Variants in XIRP2 observed in about 807,000 individuals in gnomAD.
XIRP2 encodes xin actin binding repeat containing 2.
XIRP2 carries 236 observed loss-of-function variants against 277.0 expected under a neutral mutation model. The observed-to-expected ratio is 0.85, with a 90% CI of 0.77 to 0.95. The LOEUF is 0.95. Ranked by LOEUF, XIRP2 falls within the 40% of genes least tolerant of loss-of-function variation. The pLI is 0.00. For missense variants in XIRP2, 4,640 were observed against 4,157.5 expected (o/e 1.12, Z -3.19); for synonymous variants, 1,490 against 1,416.5 (o/e 1.05, Z -1.17).
Position 167,258,722 on chromosome 2 carries a change from T to C in XIRP2, c.*905T>C. 2 of 1,613,336 alleles carry C rather than the reference T, an allele frequency of 1.2e-6. No homozygotes were observed. The highest frequency in any genetic ancestry group is 1.7e-6 in the Non-Finnish European group (2 of 1,179,634). On this transcript the variant is annotated 3_prime_UTR_variant, in exon 11 of 11. Transcript: ENST00000409195. ...TCTGAATAATTGCAGGCAGAAGACA[T>C]CTATTTTAGAATTTCTTGATCTATT...
At chr2:167,256,975 A>G (rs1695673894) in intron 10 of XIRP2, among the ~76,000 whole-genome samples, 1 of 151,906 alleles carries the variant, frequency 6.6e-6, no homozygotes, top group South Asian at 2.1e-4. Flanking sequence ...GTTCAACCTC[A>G]CTAGCCTCTT....
intron 3 of XIRP2, chr2:167,187,484 TATATG>T: frequency 1.0e-6 from 1 of 985,308 alleles, no homozygotes; most frequent in Non-Finnish European, 1.2e-6. Context: ...ACTATAAAGA[TATATG>T]ATATTTCCAC....
intron 2 of XIRP2, among the ~76,000 whole-genome samples, chr2:166,946,390 A>G (rs1377512491): frequency 6.6e-6 from 1 of 152,184 alleles, no homozygotes; most frequent in Non-Finnish European, 1.5e-5. Context: ...TATCTCACCC[A>G]GACAAGGAGA....
chr2:167,249,878 G>C lies in XIRP2; in HGVS notation c.8486G>C (p.Gly2829Ala). ...EEKNQGPSMIGRKEERLITER... is the reference protein window; with the variant it reads ...EEKNQGPSMIARKEERLITER... Reference sequence around the variant, plus strand: ...AAAAATCAGGGACCATCAATGATTGGTCGAAAAGAAGAGAGATTAATAACT... The same window carrying C: ...AAAAATCAGGGACCATCAATGATTGCTCGAAAAGAAGAGAGATTAATAACT... The change falls in exon 9 of 11, where the codon GGT (glycine) becomes GCT (alanine). Residue 2829 changes from glycine to alanine, a missense_variant. Coordinates refer to ENST00000409195, the MANE Select transcript of XIRP2 (RefSeq NM_152381.6). The C allele has an allele frequency of 6.2e-7, 1 of 1,613,528 alleles. No individual in the cohort carries two copies. Among genetic ancestry groups the C allele is most frequent in the South Asian group, 1.1e-5 (1 of 91,062 alleles).
chr2:166,965,359 C>T (rs1686403095), intron 2 of XIRP2, among the ~76,000 whole-genome samples: 1 of 151,712 alleles, frequency 6.6e-6, no homozygotes, highest in Non-Finnish European at 1.5e-5. Flanking sequence ...ACGTTTTCCT[C>T]CAGTATGCAC....
chr2:166,981,510 C>A (rs1223628288), intron 2 of XIRP2, among the ~76,000 whole-genome samples: 1 of 151,990 alleles, frequency 6.6e-6, no homozygotes, highest in Non-Finnish European at 1.5e-5. Flanking sequence ...CAACCTCCAC[C>A]TCCCGGGTTC....
intron 3 of XIRP2, among the ~76,000 whole-genome samples, chr2:167,208,637 A>G (rs1374694067): frequency 6.6e-6 from 1 of 152,054 alleles, no homozygotes; most frequent in African/African-American, 2.4e-5. Context: ...GCCATGAGCA[A>G]TGGAATCCAA....
intron 2 of XIRP2, among the ~76,000 whole-genome samples, chr2:167,069,857 A>G (rs1285197273): frequency 6.6e-6 from 1 of 152,058 alleles, no homozygotes; most frequent in Admixed American, 6.5e-5. Context: ...CAGACAGATG[A>G]TTTCTATATT....
chr2:167,155,830 T>C (rs1251258778), intron 3 of XIRP2, among the ~76,000 whole-genome samples: 128 of 151,814 alleles, frequency 8.4e-4, no homozygotes, highest in African/African-American at 2.8e-3. Context: ...GATGACATGA[T>C]TGTATATCTA....
chr2:166,893,764 C>G (rs943439112), intron 1 of XIRP2, among the ~76,000 whole-genome samples: 1 of 152,108 alleles, frequency 6.6e-6, no homozygotes, highest in Non-Finnish European at 1.5e-5. Context: ...CACTATCATT[C>G]TGTAATAATC....
chr2:166,898,199 G>T (rs901027526), intron 1 of XIRP2, among the ~76,000 whole-genome samples: 2 of 152,118 alleles, frequency 1.3e-5, no homozygotes, highest in Non-Finnish European at 2.9e-5. Context: ...TCCAGTGTTT[G>T]CTGAGAAAGC....
intron 2 of XIRP2, among the ~76,000 whole-genome samples, chr2:166,985,556 G>A (rs766637710): frequency 2.6e-5 from 4 of 151,330 alleles, no homozygotes; most frequent in Non-Finnish European, 5.9e-5. Flanking sequence ...TCAGCCTCCC[G>A]AGTAGCTGGG....
intron 2 of XIRP2, among the ~76,000 whole-genome samples, chr2:167,006,132 A>C (rs1687496797): frequency 6.6e-6 from 1 of 151,798 alleles, no homozygotes. Context: ...TTAGATTTTC[A>C]ATGTTATTTT....
intron 2 of XIRP2, among the ~76,000 whole-genome samples, chr2:166,959,220 T>G (rs1421689076): frequency 1.3e-5 from 2 of 151,844 alleles, no homozygotes. Flanking sequence ...AGTGCAAATG[T>G]CCCTGTTGTA....
rs1378372151 is a variant in XIRP2, at chr2:167,210,749, A to G, written c.577A>G (p.Asn193Asp). The change falls in exon 4 of 11, where the codon AAT becomes GAT. Residue 193 changes from asparagine to aspartate, a missense_variant. By Grantham distance (23) the Asn-to-Asp change is conservative. Transcript: ENST00000409195. ...TTTGCTTTCAGCGACTGCTGGCCCT[A>G]ATAAGCCTGAGAGTGGATTTGCAGA... ...SRIFEATAGP[N>D]KPESGFAEDS... 11 of 1,614,142 alleles carry G rather than the reference A, an allele frequency of 6.8e-6. No individual in the cohort carries two copies. Among genetic ancestry groups the G allele is most frequent in the African/African-American group, 1.3e-5 (1 of 75,042 alleles).
chr2:167,218,147 T>G lies in XIRP2; in HGVS notation c.724-19T>G. On this transcript the variant is annotated intron_variant, in intron 4 of 10. Transcript: ENST00000409195. ...CACAGCTGTAAAGCTGAATTTTCCTTTTTCTTAAATCATCCTAGATGATGG... is the reference window on the plus strand; with the variant it reads ...CACAGCTGTAAAGCTGAATTTTCCTGTTTCTTAAATCATCCTAGATGATGG... 2.0e-6 allele frequency: 3 copies of G among 1,522,890 alleles called. No homozygotes were observed. The highest frequency in any genetic ancestry group is 2.6e-6 in the Non-Finnish European group (3 of 1,134,120). The allele number at this position is 1,522,890 out of a possible 1,614,324, so 94.3% of individuals were successfully genotyped here. A position where few individuals can be genotyped will look rare whatever the true frequency, so the allele number is the denominator to read the frequency against.
chr2:166,948,394 A>G (rs1252896360), intron 2 of XIRP2, among the ~76,000 whole-genome samples: 6 of 152,114 alleles, frequency 3.9e-5, no homozygotes, highest in African/African-American at 1.2e-4. Flanking sequence ...ATCTATTTTA[A>G]AAAGTCTACT....
At chr2:167,075,891 G>T (rs911283599) in intron 2 of XIRP2, among the ~76,000 whole-genome samples, 8 of 151,046 alleles carry the variant, frequency 5.3e-5, no homozygotes, top group Non-Finnish European at 7.4e-5. Flanking sequence ...GGCCAGGCTT[G>T]TCTCGAACTT....
chr2:167,071,702 G>A (rs1294845072), intron 2 of XIRP2, among the ~76,000 whole-genome samples: 2 of 152,188 alleles, frequency 1.3e-5, no homozygotes, highest in Non-Finnish European at 2.9e-5. Context: ...ACCAAAACAT[G>A]AGAACTATGA....
Sources: gnomAD v4.1 joint callset for allele counts (sites outside exome capture counted in the v4.1 genomes callset) on GRCh38, gnomAD v4.1.1 for gene constraint, MANE v1.5 for transcripts, NCBI Gene and HGNC (gene_info 2026-07-23, HGNC 2026-07-21) for gene names.